The following KCNQ1 variants were observed in gnomAD, a reference collection of about 807,000 sequenced individuals.
The protein encoded by KCNQ1 is potassium voltage-gated channel subfamily KQT member 1.
In KCNQ1, 49 loss-of-function variants were observed where a neutral mutation model predicts 72.4. The ratio of observed to expected loss-of-function variants is 0.68; its 90% CI spans 0.54 to 0.86. The LOEUF (loss-of-function observed/expected upper bound fraction) is 0.86, where lower values mean the gene tolerates loss of function less well. Among genes scored for constraint, KCNQ1 ranks in the 40% least tolerant of loss-of-function variants. The probability of loss-of-function intolerance (pLI) is 0.00; values close to 1 mark genes in which losing one functional copy is unlikely to be tolerated. For missense variants in KCNQ1, 790 were observed against 945.1 expected (o/e 0.84, Z 2.15); for synonymous variants, 450 against 412.6 (o/e 1.09, Z -1.10).
In KCNQ1 at chr11:2,828,976, A is replaced by C. The variant is rs1847891225; in HGVS notation, c.1795-18791A>C. Among the ~76,000 whole-genome samples the C allele has an allele frequency of 6.6e-6, 1 of 152,246 alleles. No homozygotes were observed. Among genetic ancestry groups the C allele is most frequent in the Non-Finnish European group, 1.5e-5 (1 of 68,046 alleles). ...AGCACATAGTAGAGAAATGCCTTCA[A>C]ACATCTGAGGGAAAAAATGATTTCC... On this transcript the variant is annotated intron_variant, in intron 15 of 15. Coordinates refer to ENST00000155840, the MANE Select transcript of KCNQ1 (RefSeq NM_000218.3). The surrounding 1 kb of genome is among the most constrained non-coding windows in gnomAD (Gnocchi z 5.3).
chr11:2,655,913 C>T (rs1018695225), intron 10 of KCNQ1: 1 of 398,702 alleles, frequency 2.5e-6, no homozygotes, highest in South Asian at 1.3e-4. Context: ...TATGCCGTTC[C>T]CAGGATTAAA....
rs530536777 is a variant in KCNQ1 at position 2,796,637 on chromosome 11, G to A, written c.1794+18600G>A. The stretch of plus-strand genomic sequence containing the variant: ...CCTGCCCACTCAGCCCCTCGGGGCC[G>A]TGTCTCCCTGCGTCAGAGCTGGGCC... On this transcript the variant is annotated intron_variant, in intron 15 of 15. Transcript: ENST00000155840. Among the ~76,000 whole-genome samples the A allele has an allele frequency of 7.2e-5, 11 of 152,346 alleles. No homozygotes were observed. The South Asian group carries it at 8.3e-4, about 11-fold the overall frequency.
Position 2,664,116 on chromosome 11 carries a change from C to A in KCNQ1, c.1514+2035C>A. On this transcript the variant is annotated intron_variant, in intron 11 of 15. Coordinates refer to ENST00000155840, the MANE Select transcript of KCNQ1 (RefSeq NM_000218.3). The surrounding 1 kb of genome is among the most constrained non-coding windows in gnomAD (Gnocchi z 5.1). ...ACTCCAGTCATTACCCAACCAGGTC[C>A]CTGCCCTGTAACTTACCAAGGCCTC... The A allele has an allele frequency of 2.5e-6, 1 of 398,676 alleles. No homozygotes were observed. Among genetic ancestry groups the A allele is most frequent in the Non-Finnish European group, 4.4e-6 (1 of 226,124 alleles). The allele number at this position is 398,676 out of a possible 1,614,324, so 24.7% of individuals were successfully genotyped here.
intron 10 of KCNQ1, chr11:2,609,713 G>T (rs1332501149): frequency 5.0e-6 from 2 of 398,116 alleles, no homozygotes; most frequent in East Asian, 7.1e-5. Context: ...ATTGTTAGGT[G>T]AATATATGTT....
chr11:2,525,247 C>T (rs896390894), intron 1 of KCNQ1, among the ~76,000 whole-genome samples: 5 of 152,196 alleles, frequency 3.3e-5, no homozygotes, highest in Non-Finnish European at 5.9e-5. Context: ...TCCCAGTGCC[C>T]GGAATGGTGC....
At chr11:2,684,827 C>G (rs1850456241) in intron 11 of KCNQ1, 2 of 398,642 alleles carry the variant, frequency 5.0e-6, no homozygotes, top group Non-Finnish European at 4.4e-6. Context: ...GTCTCCTAGT[C>G]AAGGCCTCCT....
intron 1 of KCNQ1, among the ~76,000 whole-genome samples, chr11:2,476,790 G>C (rs959676712): frequency 2.0e-5 from 3 of 152,100 alleles, no homozygotes; most frequent in African/African-American, 4.8e-5. Flanking sequence ...GGGTTCAAGC[G>C]CTCCTCCCCC....
intron 8 of KCNQ1, among the ~76,000 whole-genome samples, chr11:2,586,007 G>A (rs1056231184): frequency 1.3e-5 from 2 of 152,224 alleles, no homozygotes; most frequent in Non-Finnish European, 2.9e-5. Context: ...CTTGAGAATT[G>A]CGTCCCTGTG....
chr11:2,629,555 C>A (rs896287115), intron 10 of KCNQ1: 6 of 398,420 alleles, frequency 1.5e-5, no homozygotes, highest in Admixed American at 8.8e-5. Flanking sequence ...GTGAGGATAT[C>A]CAGTTTTCCT....
intron 2 of KCNQ1, among the ~76,000 whole-genome samples, chr11:2,548,681 A>G (rs1249577268): frequency 1.3e-5 from 2 of 152,226 alleles, no homozygotes; most frequent in African/African-American, 2.4e-5. Context: ...ACCCACTTCA[A>G]GGTGACATCT....
rs928183777 is a variant in KCNQ1, at chr11:2,588,351, G to C, written c.1252-362G>C. ...CACAGCCTGCTCCCTCACTTCAGGC[G>C]CCCTCTTCATGCCCTGCTGGCCCCC... On this transcript the variant is annotated intron_variant, in intron 9 of 15. Coordinates refer to ENST00000155840, the MANE Select transcript of KCNQ1 (RefSeq NM_000218.3). This position sits in a 1 kb window ranked among gnomAD's most constrained non-coding sequence, Gnocchi z 5.6. 1.3e-5 allele frequency among the ~76,000 whole-genome samples: 2 copies of C among 152,092 alleles called. No individual in the cohort carries two copies. Among genetic ancestry groups the C allele is most frequent in the Admixed American group, 1.3e-4 (2 of 15,274 alleles).
At chr11:2,576,723 C>T (rs1290486507) in intron 6 of KCNQ1, among the ~76,000 whole-genome samples, 2 of 152,212 alleles carry the variant, frequency 1.3e-5, no homozygotes, top group African/African-American at 4.8e-5. Context: ...GGGGCTGGTG[C>T]AGGGGTGTGC....
At chr11:2,585,645 G>T (rs1848582532) in intron 8 of KCNQ1, among the ~76,000 whole-genome samples, 1 of 152,258 alleles carries the variant, frequency 6.6e-6, no homozygotes, top group Non-Finnish European at 1.5e-5. Context: ...TGAGGGCTGA[G>T]TCTGGGAGTG....
chr11:2,564,322 G>A lies in KCNQ1; in HGVS notation c.478-6306G>A, dbSNP rs985899188. 5.0e-4 allele frequency among the ~76,000 whole-genome samples: 76 copies of A among 152,272 alleles called. No individual in the cohort carries two copies. The highest frequency in any genetic ancestry group is 1.3e-3 in the African/African-American group (52 of 41,548). On this transcript the variant is annotated intron_variant, in intron 2 of 15. Coordinates refer to ENST00000155840, the MANE Select transcript of KCNQ1 (RefSeq NM_000218.3). The surrounding 1 kb of genome is among the most constrained non-coding windows in gnomAD (Gnocchi z 4.5). ...TATGGTGAAATATAAGGCCAGGCGC[G>A]GTGACTCATGCCTGCAATCCCAGCA...
intron 11 of KCNQ1, chr11:2,666,802 TG>T: frequency 2.5e-6 from 1 of 398,674 alleles, no homozygotes; most frequent in Non-Finnish European, 4.4e-6. Flanking sequence ...CTGTAAACTT[TG>T]GTGGGAAAGG....
At position 2,623,154 on chromosome 11, in the gene KCNQ1, A is replaced by G; in HGVS notation, c.1393+34300A>G. 7.5e-6 allele frequency: 3 copies of G among 398,628 alleles called. No homozygotes were observed. The highest frequency in any genetic ancestry group is 1.3e-5 in the Non-Finnish European group (3 of 226,158). 24.7% of individuals were successfully genotyped at this position (398,628 alleles called of 1,614,324 possible). On this transcript the variant is annotated intron_variant, in intron 10 of 15. Coordinates refer to ENST00000155840, the MANE Select transcript of KCNQ1 (RefSeq NM_000218.3). The surrounding 1 kb of genome is among the most constrained non-coding windows in gnomAD (Gnocchi z 5.2). ...CTTTCTTTCCCTCTCCTGTTCTGCCATGGTAAAGATGTGCCTGCTTCTCCT... is the reference window on the plus strand; with the variant it reads ...CTTTCTTTCCCTCTCCTGTTCTGCCGTGGTAAAGATGTGCCTGCTTCTCCT...
rs528526081 is a variant in KCNQ1, at chr11:2,752,047, G to T, written c.1515-16797G>T. 6.6e-6 allele frequency among the ~76,000 whole-genome samples: 1 copy of T among 152,194 alleles called. No individual in the cohort carries two copies. The highest frequency in any genetic ancestry group is 1.5e-5 in the Non-Finnish European group (1 of 68,038). ...CCTTGTACTGCCCTGTCCTCCCCAC[G>T]CCCTGAGGGGCCGTCCTAGGCAGCA... is the stretch of plus-strand genomic sequence containing the variant. On this transcript the variant is annotated intron_variant, in intron 11 of 15. Coordinates refer to ENST00000155840, the MANE Select transcript of KCNQ1 (RefSeq NM_000218.3). The surrounding 1 kb of genome is among the most constrained non-coding windows in gnomAD (Gnocchi z 5.2).
At chr11:2,660,632 C>T (rs193302142) in intron 10 of KCNQ1, 21 of 398,594 alleles carry the variant, frequency 5.3e-5, no homozygotes, top group Admixed American at 4.0e-4. Context: ...AGGTATTCAA[C>T]ACAGATGGAA....
In KCNQ1 at chr11:2,466,568, G is replaced by A. The variant is rs1384652199; in HGVS notation, c.386+21084G>A. Among the ~76,000 whole-genome samples the A allele has an allele frequency of 3.9e-5, 6 of 152,300 alleles. No individual in the cohort carries two copies. The South Asian group carries it at 8.3e-4, about 21-fold the overall frequency. Reference sequence around the variant, plus strand: ...AGATGCTATCACTGACATCTGCCCAGGCTCGGGGGCTTCTGTGTGGTGCCA... The same window carrying A: ...AGATGCTATCACTGACATCTGCCCAAGCTCGGGGGCTTCTGTGTGGTGCCA... On this transcript the variant is annotated intron_variant, in intron 1 of 15. Transcript: ENST00000155840.
Sources: allele counts gnomAD v4.1 joint callset (sites outside exome capture counted in the v4.1 genomes callset), GRCh38; gene constraint gnomAD v4.1.1; non-coding constraint Gnocchi (gnomAD v3.1); transcripts MANE v1.5; gene names NCBI Gene and HGNC (gene_info 2026-07-23, HGNC 2026-07-21).